The following OAS2 variants were observed in gnomAD, a reference collection of about 807,000 sequenced individuals.
The protein encoded by OAS2 is 2'-5'-oligoadenylate synthase 2.
In OAS2, 67 loss-of-function variants were observed where a neutral mutation model predicts 71.3. The observed-to-expected ratio is 0.94, with a 90% CI of 0.77 to 1.15. The LOEUF (loss-of-function observed/expected upper bound fraction) is 1.15, where lower values mean the gene tolerates loss of function less well. Ranked by LOEUF, OAS2 falls within the 50% of genes most tolerant of loss-of-function variation. The pLI, the probability that OAS2 is intolerant of heterozygous loss-of-function variation, is 0.00. For synonymous variants in OAS2, 327 were observed against 321.8 expected, an observed-to-expected ratio of 1.02 and a Z score of -0.17; for missense variants, 789 against 822.5, an observed-to-expected ratio of 0.96 and a Z score of 0.50.
At chr12:113,008,679 G>T (rs192011709) in intron 9 of OAS2, among the ~76,000 whole-genome samples, 18 of 152,308 alleles carry the variant, frequency 1.2e-4, no homozygotes, top group Middle Eastern at 3.4e-3. Flanking sequence ...AGGCTGGAGT[G>T]CAGTGGCACA....
chr12:113,007,849 C>G lies in OAS2; in HGVS notation c.1801C>G (p.Gln601Glu). The G allele has an allele frequency of 6.2e-7, 1 of 1,614,128 alleles. No individual in the cohort carries two copies. Among genetic ancestry groups the G allele is most frequent in the Non-Finnish European group, 8.5e-7 (1 of 1,179,994 alleles). Reference sequence around the variant, plus strand: ...CCGGACAGTCCTGGAGCTGGTCACACAATATCAGCAGCTCTGCATCTTCTG... The same window carrying G: ...CCGGACAGTCCTGGAGCTGGTCACAGAATATCAGCAGCTCTGCATCTTCTG... ...GFRTVLELVT[Q>E]YQQLCIFWKV... Residue 601 changes from glutamine (Q) to glutamate (E), a missense_variant, in exon 9 of 10, where the codon CAA becomes GAA. By Grantham distance (29) the Gln-to-Glu change is conservative. Transcript: ENST00000392583.
intron 1 of OAS2, among the ~76,000 whole-genome samples, chr12:112,983,132 T>C (rs1045398893): frequency 6.6e-5 from 10 of 152,186 alleles, no homozygotes; most frequent in African/African-American, 2.2e-4. Context: ...ACCAACTTTT[T>C]ATTTTGTTAA....
rs374673633 is a variant in OAS2 at position 112,991,594 on chromosome 12, G to A, written c.449-3702G>A. Among the ~76,000 whole-genome samples, 8 of 152,226 alleles carry A rather than the reference G, an allele frequency of 5.3e-5. No individual in the cohort carries two copies. In the East Asian group the frequency reaches 7.7e-4, roughly 15 times the overall value. On this transcript the variant is annotated intron_variant, in intron 2 of 9. Coordinates refer to ENST00000392583, the MANE Select transcript of OAS2 (RefSeq NM_002535.3). ...GGAGAGGGCTTCCAGATCATAGGTA[G>A]ATAAGAGACCAATGGTTGCATTCCT...
At chr12:113,007,610 G>A (rs1310411310) in intron 8 of OAS2, 95 bp from the exon 9 acceptor site, 9 of 989,094 alleles carry the variant, frequency 9.1e-6, no homozygotes, top group Middle Eastern at 3.1e-4. Flanking sequence ...ACACCAGCAC[G>A]ACACTGTGAC....
Position 112,987,080 on chromosome 12 carries a change from G to C in OAS2, c.220G>C (p.Asp74His). 2 of 1,614,084 alleles carry C rather than the reference G, an allele frequency of 1.2e-6. No homozygotes were observed. Among genetic ancestry groups the C allele is most frequent in the Non-Finnish European group, 1.7e-6 (2 of 1,179,946 alleles). Residue 74 changes from aspartate to histidine, a missense_variant, in exon 2 of 10, where the codon GAT becomes CAT. Coordinates refer to ENST00000392583, the MANE Select transcript of OAS2 (RefSeq NM_002535.3). ...GAAAACAGTCTTAAGAGGCAACTCC[G>C]ATGGTACCCTTGTCCTCTTCTTCAG... ...GRKTVLRGNS[D>H]GTLVLFFSDL...
chr12:112,988,516 T>C (rs1344754359), intron 2 of OAS2: 2 of 684,382 alleles, frequency 2.9e-6, no homozygotes, highest in African/African-American at 3.9e-5. Flanking sequence ...CAAGAGTAGG[T>C]TGCAGTCTGT....
At position 112,997,509 on chromosome 12, in the gene OAS2, T is replaced by C. The variant is rs1329245020; in HGVS notation, c.628-11T>C. 1.8e-5 allele frequency: 29 copies of C among 1,611,198 alleles called. No homozygotes were observed. Among genetic ancestry groups the C allele is most frequent in the Non-Finnish European group, 2.2e-5 (26 of 1,177,916 alleles). On this transcript the variant is annotated splice_polypyrimidine_tract_variant and intron_variant, in intron 3 of 9. Coordinates refer to ENST00000392583, the MANE Select transcript of OAS2 (RefSeq NM_002535.3). ...CCCCCAATGAGCTGCTACCCTTTCC[T>C]TATCCCACAGTGCCAGAAAAAAATC... is the stretch of plus-strand genomic sequence containing the variant.
Position 112,978,559 on chromosome 12 carries a change from C to T in OAS2, c.-50C>T. The T allele has an allele frequency of 6.3e-7, 1 of 1,599,912 alleles. No homozygotes were observed. Among genetic ancestry groups the T allele is most frequent in the Non-Finnish European group, 8.6e-7 (1 of 1,168,652 alleles). ...GCTCTGGGCAGCAGCAAGAATTCCT[C>T]TGCCTCCCATCCTACCATTCACTGT... On this transcript the variant is annotated 5_prime_UTR_variant, in exon 1 of 10. Coordinates refer to ENST00000392583, the MANE Select transcript of OAS2 (RefSeq NM_002535.3). The surrounding 1 kb of genome is among the most constrained non-coding windows in gnomAD (Gnocchi z 4.2).
rs1171551693 is a variant in OAS2 at position 113,007,862 on chromosome 12, T to A, written c.1814T>A (p.Leu605His). 6.2e-7 allele frequency: 1 copy of A among 1,614,074 alleles called. No individual in the cohort carries two copies. The change falls in exon 9 of 10, where the codon CTC becomes CAC. Residue 605 changes from leucine to histidine, a missense_variant. Physicochemically the swap from Leu to His is moderately conservative, Grantham distance 99 (BLOSUM62 -3). Transcript: ENST00000392583. ...VLELVTQYQQ[L>H]CIFWKVNYNF... is the part of the protein sequence containing the mutation. Reference sequence around the variant, plus strand: ...GAGCTGGTCACACAATATCAGCAGCTCTGCATCTTCTGGAAGGTCAATTAC... The same window carrying A: ...GAGCTGGTCACACAATATCAGCAGCACTGCATCTTCTGGAAGGTCAATTAC...
At chr12:112,993,699 CTT>C (rs972477619) in intron 2 of OAS2, among the ~76,000 whole-genome samples, 19 of 147,774 alleles carry the variant, frequency 1.3e-4, no homozygotes, top group African/African-American at 4.2e-4. Context: ...GGGCAACAGG[CTT>C]TTTTTTTTCT....
At position 112,997,870 on chromosome 12, in the gene OAS2, G is replaced by A; in HGVS notation, c.863+115G>A. 4 of 860,068 alleles carry A rather than the reference G, an allele frequency of 4.7e-6. 1 individual carries two copies. The highest frequency in any genetic ancestry group is 6.9e-6 in the Non-Finnish European group (4 of 576,230). The allele number at this position is 860,068 out of a possible 1,614,324, so 53.3% of individuals were successfully genotyped here. On this transcript the variant is annotated intron_variant, in intron 4 of 9. Coordinates refer to ENST00000392583, the MANE Select transcript of OAS2 (RefSeq NM_002535.3). ...AAGCCAGTGCTGGACCAGAAGAATGGCAGCCACCATGGGTGGGGAGGCAGA... is the reference window on the plus strand; with the variant it reads ...AAGCCAGTGCTGGACCAGAAGAATGACAGCCACCATGGGTGGGGAGGCAGA...
At position 113,011,146 on chromosome 12, in the gene OAS2, T is replaced by C. The variant is rs1058477; in HGVS notation, c.*1891T>C. ...ACTTGAAGGTCTAGGTGCTTTAACC[T>C]CACATACCCTCACTTAAACTTTTAT... On this transcript the variant is annotated 3_prime_UTR_variant, in exon 10 of 10. Transcript: ENST00000392583. 1 of 152,392 alleles carries C rather than the reference T, an allele frequency of 6.6e-6. No individual in the cohort carries two copies. The highest frequency in any genetic ancestry group is 6.5e-5 in the Admixed American group (1 of 15,304). The allele number at this position is 152,392 out of a possible 1,614,324, so 9.4% of individuals were successfully genotyped here.
chr12:112,998,270 G>A lies in OAS2; in HGVS notation c.868G>A (p.Val290Ile), dbSNP rs200414201. 518 of 1,612,780 alleles carry A rather than the reference G, an allele frequency of 3.2e-4. 5 individuals carry two copies. In the Middle Eastern group the frequency reaches 5.8e-3, roughly 18 times the overall value. ...LLHQLQSARPVILDPVDPTNN... is the reference protein window; with the variant it reads ...LLHQLQSARPIILDPVDPTNN... The stretch of plus-strand genomic sequence containing the variant: ...TTAATCTAATGGAATACACAGGCCA[G>A]TAATCTTGGATCCAGTTGACCCAAC... Residue 290 changes from valine to isoleucine, a missense_variant, in exon 5 of 10, where the codon GTA becomes ATA. Val to Ile is a conservative substitution (Grantham distance 29, BLOSUM62 3). Coordinates refer to ENST00000392583, the MANE Select transcript of OAS2 (RefSeq NM_002535.3).
rs561068586 is a variant in OAS2 at position 112,997,407 on chromosome 12, A to G, written c.628-113A>G. The G allele has an allele frequency of 1.1e-5, 9 of 811,968 alleles. No individual in the cohort carries two copies. The East Asian group carries it at 2.1e-4, about 19-fold the overall frequency. 50.3% of individuals were successfully genotyped at this position (811,968 alleles called of 1,614,324 possible). ...ATTGTCAGTCCACTGAACTGTAGGC[A>G]TTCTAGCAAAGGACAATGACTTCCT... is the stretch of plus-strand genomic sequence containing the variant. On this transcript the variant is annotated intron_variant, in intron 3 of 9. Coordinates refer to ENST00000392583, the MANE Select transcript of OAS2 (RefSeq NM_002535.3).
At chr12:113,002,460 C>T (rs572979701) in intron 5 of OAS2, among the ~76,000 whole-genome samples, 1 of 152,208 alleles carries the variant, frequency 6.6e-6, no homozygotes. Context: ...CCAACACACC[C>T]GCACATGGCG....
intron 2 of OAS2, among the ~76,000 whole-genome samples, chr12:112,991,891 A>G (rs7297274): frequency 0.044 from 6,759 of 152,192 alleles, 488 homozygotes; most frequent in African/African-American, 0.15. Context: ...TCTCTAGTAC[A>G]ATGTTCATTA....
chr12:112,996,549 A>C (rs980338924), intron 3 of OAS2, among the ~76,000 whole-genome samples: 4 of 152,066 alleles, frequency 2.6e-5, no homozygotes, highest in Non-Finnish European at 5.9e-5. Flanking sequence ...AGCAAAGCCA[A>C]ACAGACTTTG....
Position 113,007,743 on chromosome 12 carries a change from A to G in OAS2, c.1695A>G (p.Pro565=), listed in dbSNP as rs754902809. The stretch of plus-strand genomic sequence containing the variant: ...TGAAGCCAAAGGGGTCTTTGCCCCC[A>G]AAGTATGCCTTGGAGCTGCTCACCA... ...RKLKPKGSLP[P]KYALELLTIY... Residue 565 remains proline (P), a synonymous_variant, in exon 9 of 10, where the codon CCA becomes CCG. Coordinates refer to ENST00000392583, the MANE Select transcript of OAS2 (RefSeq NM_002535.3). The G allele has an allele frequency of 6.2e-7, 1 of 1,614,102 alleles. No homozygotes were observed. Among genetic ancestry groups the G allele is most frequent in the East Asian group, 2.2e-5 (1 of 44,878 alleles).
At chr12:113,006,702 C>A in intron 8 of OAS2, 102 bp downstream of exon 8, 1 of 1,014,206 alleles carries the variant, frequency 9.9e-7, no homozygotes, top group Non-Finnish European at 1.4e-6. Context: ...AGGGCTGAGC[C>A]ACTTTGGAGA....
Sources: allele counts gnomAD v4.1 joint callset (sites outside exome capture counted in the v4.1 genomes callset), GRCh38; gene constraint gnomAD v4.1.1; non-coding constraint Gnocchi (gnomAD v3.1); transcripts MANE v1.5; gene names NCBI Gene and HGNC (gene_info 2026-07-23, HGNC 2026-07-21).